Variants in THSD7A observed in about 807,000 individuals in gnomAD.
THSD7A encodes the protein thrombospondin type 1 domain containing 7A.
Under a neutral mutation model 231.3 loss-of-function variants are expected in THSD7A, and 96 were observed. That is an observed-to-expected ratio of 0.41 (90% CI 0.35 to 0.49). The LOEUF (loss-of-function observed/expected upper bound fraction) is 0.49, where lower values mean the gene tolerates loss of function less well. Ranked by LOEUF, THSD7A falls within the 20% of genes least tolerant of loss-of-function variation. THSD7A has a pLI of 0.05. For missense variants in THSD7A, 2,290 were observed against 2,070.2 expected (o/e 1.11, Z -2.06); for synonymous variants, 940 against 743.3 (o/e 1.26, Z -4.30).
intron 1 of THSD7A, among the ~76,000 whole-genome samples, chr7:11,805,277 C>G (rs1784370880): frequency 6.6e-6 from 1 of 152,144 alleles, no homozygotes; most frequent in Admixed American, 6.6e-5. Flanking sequence ...TTTTCTGTAT[C>G]CTACTGACCA....
intron 4 of THSD7A, among the ~76,000 whole-genome samples, chr7:11,555,876 T>C (rs1789823797): frequency 6.6e-6 from 1 of 151,792 alleles, no homozygotes; most frequent in South Asian, 2.1e-4. Flanking sequence ...GCCTAATTTA[T>C]TCGATGTTAT....
chr7:11,751,124 ATG>A (rs1448213415), intron 1 of THSD7A: 2 of 152,086 alleles, frequency 1.3e-5, no homozygotes, highest in East Asian at 3.9e-4. Flanking sequence ...CCCAACACCC[ATG>A]TCTTTCTTAC....
At chr7:11,542,889 A>G in intron 5 of THSD7A, 73 bp downstream of exon 5, 1 of 1,482,184 alleles carries the variant, frequency 6.7e-7, no homozygotes, top group Non-Finnish European at 9.1e-7. Flanking sequence ...AACACAGAAG[A>G]GCATTTTAAA....
intron 4 of THSD7A, among the ~76,000 whole-genome samples, chr7:11,571,937 A>T (rs1352553618): frequency 6.6e-6 from 1 of 150,658 alleles, no homozygotes; most frequent in Non-Finnish European, 1.5e-5. Context: ...CTTTAAGTTG[A>T]TGTTTTTTTA....
chr7:11,428,037 CT>C (rs1784374704), intron 14 of THSD7A, among the ~76,000 whole-genome samples: 2 of 151,976 alleles, frequency 1.3e-5, no homozygotes, highest in Non-Finnish European at 1.5e-5. Flanking sequence ...CTACAATGTA[CT>C]TTTATTATGA....
In THSD7A at chr7:11,637,657, A is replaced by G. The variant is rs899518419; in HGVS notation, c.191-696T>C. 6.6e-6 allele frequency among the ~76,000 whole-genome samples: 1 copy of G among 152,130 alleles called. No homozygotes were observed. The highest frequency in any genetic ancestry group is 1.5e-5 in the Non-Finnish European group (1 of 68,018). On this transcript the variant is annotated intron_variant, in intron 1 of 27. Transcript: ENST00000423059. This position sits in a 1 kb window ranked among gnomAD's most constrained non-coding sequence, Gnocchi z 4.2. ...TAAATGTAACTAAAAGACTTTTGCA[A>G]TTTTCTAATCATTGAGAGGTTATTT...
chr7:11,699,513 T>G (rs991152509), intron 1 of THSD7A, among the ~76,000 whole-genome samples: 17 of 151,294 alleles, frequency 1.1e-4, no homozygotes, highest in African/African-American at 3.9e-4. Flanking sequence ...GACAACTAAA[T>G]GCTTAGTTCT....
At chr7:11,795,610 A>G (rs1050268932) in intron 1 of THSD7A, among the ~76,000 whole-genome samples, 24 of 152,066 alleles carry the variant, frequency 1.6e-4, no homozygotes, top group African/African-American at 5.6e-4. Flanking sequence ...ATATTTACTT[A>G]TAATTCAAAC....
At chr7:11,385,601 G>A (rs1782707269) in intron 23 of THSD7A, 1 of 150,776 alleles carries the variant, frequency 6.6e-6, no homozygotes, top group East Asian at 1.9e-4. Flanking sequence ...GGTTATCTTT[G>A]TATTTCAACA....
At chr7:11,649,635 C>A (rs1451350132) in intron 1 of THSD7A, among the ~76,000 whole-genome samples, 1 of 151,914 alleles carries the variant, frequency 6.6e-6, no homozygotes, top group Middle Eastern at 3.2e-3. Context: ...CTAAAAGTGA[C>A]TGCCAGTAAA....
intron 1 of THSD7A, among the ~76,000 whole-genome samples, chr7:11,822,496 G>A (rs1421442099): frequency 1.3e-5 from 2 of 152,050 alleles, no homozygotes; most frequent in Non-Finnish European, 2.9e-5. Context: ...ATTGTGAATA[G>A]TACTATGATT....
intron 4 of THSD7A, among the ~76,000 whole-genome samples, chr7:11,587,095 G>A (rs1227641755): frequency 6.6e-6 from 1 of 152,090 alleles, no homozygotes; most frequent in Non-Finnish European, 1.5e-5. Flanking sequence ...AATTTCTTGA[G>A]TTACTGTAGG....
At chr7:11,706,630 C>CTTTTTTTTGTTTTTTTTTTTTTTTT (rs1780776840) in intron 1 of THSD7A, among the ~76,000 whole-genome samples, 1 of 66,420 alleles carries the variant, frequency 1.5e-5, no homozygotes, top group Admixed American at 2.1e-4. Context: ...TAACAAGGTG[C>CTTTTTTTTGTTTTTTTTTTTTTTTT]TTTTTTTTTT....
In THSD7A at chr7:11,411,707, C is replaced by T. The variant is rs1019629974; in HGVS notation, c.3683-385G>A. 6.6e-6 allele frequency among the ~76,000 whole-genome samples: 1 copy of T among 152,140 alleles called. No individual in the cohort carries two copies. Among genetic ancestry groups the T allele is most frequent in the Non-Finnish European group, 1.5e-5 (1 of 68,030 alleles). ...ATAATCATAATTGTGACAGACGGTA[C>T]TTTAACTGTGTAGTTATATTCAGAT... is the stretch of plus-strand genomic sequence containing the variant. On this transcript the variant is annotated intron_variant, in intron 18 of 27. Transcript: ENST00000423059. This position sits in a 1 kb window ranked among gnomAD's most constrained non-coding sequence, Gnocchi z 4.1.
intron 7 of THSD7A, among the ~76,000 whole-genome samples, chr7:11,480,726 T>C (rs1786389013): frequency 6.6e-6 from 1 of 152,156 alleles, no homozygotes; most frequent in Non-Finnish European, 1.5e-5. Context: ...AAGGTAATTA[T>C]AGGTGTGCAC....
chr7:11,508,727 T>C (rs1787664343), intron 6 of THSD7A, among the ~76,000 whole-genome samples: 1 of 152,200 alleles, frequency 6.6e-6, no homozygotes, highest in African/African-American at 2.4e-5. Flanking sequence ...AAAGAAAATG[T>C]GGTATATACT....
intron 6 of THSD7A, among the ~76,000 whole-genome samples, chr7:11,515,093 T>C (rs1310320175): frequency 6.6e-6 from 1 of 152,202 alleles, no homozygotes; most frequent in Non-Finnish European, 1.5e-5. Flanking sequence ...TACATGTAAC[T>C]AATGGGAAAT....
intron 5 of THSD7A, among the ~76,000 whole-genome samples, chr7:11,542,449 A>T (rs946699522): frequency 6.6e-6 from 1 of 152,222 alleles, no homozygotes; most frequent in Non-Finnish European, 1.5e-5. Flanking sequence ...TATCATTTGC[A>T]TATGAAAGTA....
intron 9 of THSD7A, among the ~76,000 whole-genome samples, chr7:11,462,662 TAGAC>T (rs1785549914): frequency 1.3e-5 from 2 of 152,304 alleles, no homozygotes; most frequent in South Asian, 2.1e-4. Flanking sequence ...TTATTCATGT[TAGAC>T]AGTCTAAGAC....
Sources: gnomAD v4.1 joint callset for allele counts (sites outside exome capture counted in the v4.1 genomes callset) on GRCh38, gnomAD v4.1.1 for gene constraint, Gnocchi (gnomAD v3.1) non-coding constraint, MANE v1.5 for transcripts, NCBI Gene and HGNC (gene_info 2026-07-23, HGNC 2026-07-21) for gene names.